The following TNS3 variants were observed in gnomAD, a reference collection of about 807,000 sequenced individuals.
The protein encoded by TNS3 is tensin 3.
TNS3 carries 45 observed loss-of-function variants against 140.9 expected under a neutral mutation model. The ratio of observed to expected loss-of-function variants is 0.32; its 90% CI spans 0.25 to 0.41. TNS3 has a LOEUF of 0.41. TNS3 is among the 10% of genes least tolerant of loss of function. TNS3 has a pLI of 1.00. For missense variants in TNS3, 1,716 were observed against 1,906.7 expected, an observed-to-expected ratio of 0.90 and a Z score of 1.86; for synonymous variants, 815 against 788.4, an observed-to-expected ratio of 1.03 and a Z score of -0.56.
chr7:47,297,033 G>A (rs1786064228), intron 24 of TNS3, 49 bp downstream of exon 24: 1 of 1,587,288 alleles, frequency 6.3e-7, no homozygotes, highest in Admixed American at 1.8e-5. Flanking sequence ...AACCAACAGA[G>A]TTTCTCTGTG....
At chr7:47,558,433 T>C (rs1310112046) in intron 1 of TNS3, among the ~76,000 whole-genome samples, 1 of 151,770 alleles carries the variant, frequency 6.6e-6, no homozygotes, top group Non-Finnish European at 1.5e-5. Context: ...AGTGGGTGCC[T>C]CCACCAACCC....
At chr7:47,553,958 C>T (rs1418335658) in intron 1 of TNS3, among the ~76,000 whole-genome samples, 1 of 151,970 alleles carries the variant, frequency 6.6e-6, no homozygotes, top group Non-Finnish European at 1.5e-5. Context: ...GAGGCTGCCA[C>T]CAAGCCTGTC....
intron 16 of TNS3, among the ~76,000 whole-genome samples, chr7:47,373,558 T>C (rs1301277291): frequency 6.6e-6 from 1 of 152,228 alleles, no homozygotes; most frequent in African/African-American, 2.4e-5. Flanking sequence ...CCTTGGCTTT[T>C]GTCTTTCTCT....
rs962813445 is a variant in TNS3 at position 47,439,740 on chromosome 7, G to A, written c.-22-82C>T. 166 of 1,440,318 alleles carry A rather than the reference G, an allele frequency of 1.2e-4. No individual in the cohort carries two copies. In the Admixed American group the frequency reaches 1.4e-3, roughly 12 times the overall value. 89.2% of individuals were successfully genotyped at this position (1,440,318 alleles called of 1,614,324 possible). A position where few individuals can be genotyped will look rare whatever the true frequency, so the allele number is the denominator to read the frequency against. On this transcript the variant is annotated intron_variant, in intron 5 of 30. Coordinates refer to ENST00000311160, the MANE Select transcript of TNS3 (RefSeq NM_022748.12). ...CCTCTAGGAAAAAGGTGAAGACGAC[G>A]GACACTCATCCCCTGGGTGTTCACA... is the stretch of plus-strand genomic sequence containing the variant.
intron 1 of TNS3, among the ~76,000 whole-genome samples, chr7:47,543,118 G>A (rs1799834380): frequency 6.6e-6 from 1 of 152,174 alleles, no homozygotes; most frequent in South Asian, 2.1e-4. Context: ...CTAGGGGCAG[G>A]TCTTGTACCT....
intron 27 of TNS3, among the ~76,000 whole-genome samples, chr7:47,291,046 A>C (rs932387933): frequency 6.6e-6 from 1 of 152,214 alleles, no homozygotes; most frequent in Non-Finnish European, 1.5e-5. Flanking sequence ...GGAAACTTAA[A>C]TGCATATGAC....
chr7:47,373,481 T>C (rs755373972), intron 16 of TNS3, among the ~76,000 whole-genome samples: 44 of 152,230 alleles, frequency 2.9e-4, no homozygotes, highest in Non-Finnish European at 5.9e-4. Flanking sequence ...ATCCGCTCCC[T>C]GGGCTCATCT....
intron 17 of TNS3, among the ~76,000 whole-genome samples, chr7:47,359,501 A>G (rs1489464393): frequency 6.6e-6 from 1 of 152,198 alleles, no homozygotes; most frequent in Non-Finnish European, 1.5e-5. Context: ...AAATGTCCTT[A>G]CTACCACTGA....
chr7:47,511,038 T>C (rs534594359), intron 2 of TNS3, among the ~76,000 whole-genome samples: 84 of 152,324 alleles, frequency 5.5e-4, no homozygotes, highest in African/African-American at 2.0e-3. Context: ...AATTTCCAAA[T>C]GTCCAGTGCG....
intron 17 of TNS3, among the ~76,000 whole-genome samples, chr7:47,355,508 C>T (rs1055834653): frequency 6.6e-6 from 1 of 152,188 alleles, no homozygotes; most frequent in African/African-American, 2.4e-5. Context: ...GGGTGCTGTA[C>T]TAAACACATG....
At chr7:47,486,293 TGA>T (rs1050889382) in intron 3 of TNS3, among the ~76,000 whole-genome samples, 12 of 151,978 alleles carry the variant, frequency 7.9e-5, no homozygotes, top group Non-Finnish European at 1.3e-4. Context: ...TGTGTGAAAC[TGA>T]GTTTTGTAAG....
chr7:47,352,436 C>T (rs1789741574), intron 17 of TNS3, among the ~76,000 whole-genome samples: 1 of 152,230 alleles, frequency 6.6e-6, no homozygotes, highest in Non-Finnish European at 1.5e-5. Context: ...CCCACAGCTG[C>T]ATGTGCTGCT....
At chr7:47,338,940 C>T (rs930236442) in intron 20 of TNS3, among the ~76,000 whole-genome samples, 3 of 152,208 alleles carry the variant, frequency 2.0e-5, no homozygotes, top group Non-Finnish European at 4.4e-5. Context: ...AGTGGCTTAA[C>T]TAATTCACAT....
At chr7:47,539,076 A>G (rs1362060169) in intron 1 of TNS3, 1 of 456,716 alleles carries the variant, frequency 2.2e-6, no homozygotes, top group Non-Finnish European at 4.4e-6. Context: ...CGCCCTTACC[A>G]TGGTGCCCAC....
At chr7:47,535,687 G>A (rs374955708) in intron 1 of TNS3, among the ~76,000 whole-genome samples, 9 of 152,348 alleles carry the variant, frequency 5.9e-5, no homozygotes, top group Middle Eastern at 6.8e-3. Context: ...ACAGTAATTA[G>A]TGCTGGTCTT....
intron 4 of TNS3, among the ~76,000 whole-genome samples, chr7:47,446,688 C>CTTTTTTTTTTTTTTTTTTTTTTTT (rs144042398): frequency 1.0e-5 from 1 of 96,680 alleles, no homozygotes; most frequent in African/African-American, 4.5e-5. Flanking sequence ...TCCAGGCTGC[C>CTTTTTTTTTTTTTTTTTTTTTTTT]TTTTTTTTTT....
intron 3 of TNS3, among the ~76,000 whole-genome samples, chr7:47,501,784 C>T (rs554637995): frequency 1.1e-4 from 16 of 152,240 alleles, no homozygotes; most frequent in Non-Finnish European, 1.8e-4. Flanking sequence ...CTGGGAGTCT[C>T]GGACAAGATG....
At chr7:47,511,581 T>C (rs1798607527) in intron 2 of TNS3, among the ~76,000 whole-genome samples, 1 of 151,520 alleles carries the variant, frequency 6.6e-6, no homozygotes, top group Non-Finnish European at 1.5e-5. Context: ...TCTAGGACCC[T>C]AGCAGTGGGT....
At position 47,318,071 on chromosome 7, in the gene TNS3, C is replaced by CT. The variant is rs113088266; in HGVS notation, c.2651-13069dup. Reference sequence around the variant, plus strand: ...TTTATAATCTTACAAAACTATAACTCTTTCCCCATTGAAATAATTTCCTAT... The same window carrying CT: ...TTTATAATCTTACAAAACTATAACTCTTTTCCCCATTGAAATAATTTCCTAT... On this transcript the variant is annotated intron_variant, in intron 20 of 30. Coordinates refer to ENST00000311160, the MANE Select transcript of TNS3 (RefSeq NM_022748.12). Among the ~76,000 whole-genome samples the CT allele has an allele frequency of 9.4e-3, 1,431 of 152,294 alleles. 17 individuals are homozygous for CT. The highest frequency in any genetic ancestry group is 0.032 in the African/African-American group (1,347 of 41,554).
Sources: allele counts gnomAD v4.1 joint callset (sites outside exome capture counted in the v4.1 genomes callset), GRCh38; gene constraint gnomAD v4.1.1; transcripts MANE v1.5; gene names NCBI Gene and HGNC (gene_info 2026-07-23, HGNC 2026-07-21).